Variants in MCPH1 observed in about 807,000 individuals in gnomAD.
The protein encoded by MCPH1 is microcephalin.
In MCPH1, 104 loss-of-function variants were observed where a neutral mutation model predicts 84.5. The observed-to-expected ratio is 1.23, with a 90% CI of 1.05 to 1.45. The LOEUF is 1.45. MCPH1 is among the 40% of genes most tolerant of loss of function. The pLI, the probability that MCPH1 is intolerant of heterozygous loss-of-function variation, is 0.00. For synonymous variants in MCPH1, 514 were observed against 366.8 expected (o/e 1.40, Z -4.58); for missense variants, 1,498 against 1,005.7 (o/e 1.49, Z -6.62).
At chr8:6,590,846 G>A (rs974886660) in intron 12 of MCPH1, among the ~76,000 whole-genome samples, 11 of 152,232 alleles carry the variant, frequency 7.2e-5, no homozygotes, top group Admixed American at 2.6e-4. Context: ...CTTCAGACTC[G>A]GGCCTTTGGA....
At chr8:6,424,193 A>G (rs960348850) in intron 3 of MCPH1, among the ~76,000 whole-genome samples, 15 of 152,220 alleles carry the variant, frequency 9.9e-5, no homozygotes, top group Non-Finnish European at 2.2e-4. Flanking sequence ...AGAAATTTTT[A>G]CCTTGAAGAA....
intron 12 of MCPH1, among the ~76,000 whole-genome samples, chr8:6,583,511 T>C (rs990432151): frequency 3.2e-4 from 48 of 152,266 alleles, no homozygotes; most frequent in African/African-American, 1.2e-3. Flanking sequence ...TGTGTGTGCA[T>C]AGGACATCAA....
At chr8:6,606,840 T>C (rs978290843) in intron 12 of MCPH1, among the ~76,000 whole-genome samples, 1 of 152,128 alleles carries the variant, frequency 6.6e-6, no homozygotes, top group African/African-American at 2.4e-5. Flanking sequence ...GAGCTGATGG[T>C]TTCATAAGGG....
chr8:6,602,108 T>C (rs73511022), intron 12 of MCPH1, among the ~76,000 whole-genome samples: 5,606 of 152,180 alleles, frequency 0.037, 356 homozygotes, highest in African/African-American at 0.13. Context: ...TGGAATCGGA[T>C]TGGAAGGCAG....
intron 13 of MCPH1, among the ~76,000 whole-genome samples, chr8:6,623,773 T>G (rs1004169563): frequency 6.8e-5 from 10 of 147,586 alleles, no homozygotes; most frequent in African/African-American, 2.2e-4. Context: ...CTTTTCTAAA[T>G]GCCAAGAATA....
At chr8:6,548,305 G>A (rs570961430) in intron 12 of MCPH1, among the ~76,000 whole-genome samples, 5 of 152,190 alleles carry the variant, frequency 3.3e-5, no homozygotes, top group Non-Finnish European at 2.9e-5. Flanking sequence ...GACTCTACTC[G>A]TGCGTCACTT....
chr8:6,489,308 G>C (rs1349326149), intron 11 of MCPH1, among the ~76,000 whole-genome samples: 1 of 152,076 alleles, frequency 6.6e-6, no homozygotes. Flanking sequence ...GCAGAAGTCA[G>C]GGGGAAGGGG....
chr8:6,520,225 T>A (rs1280844783), intron 12 of MCPH1, among the ~76,000 whole-genome samples: 1 of 152,226 alleles, frequency 6.6e-6, no homozygotes, highest in South Asian at 2.1e-4. Context: ...TTAAAATACT[T>A]CAAATAATCC....
chr8:6,598,432 A>G (rs997700354), intron 12 of MCPH1, among the ~76,000 whole-genome samples: 1 of 151,946 alleles, frequency 6.6e-6, no homozygotes, highest in Non-Finnish European at 1.5e-5. Flanking sequence ...AGCCTCAGAC[A>G]TGAGGGGAGA....
intron 12 of MCPH1, among the ~76,000 whole-genome samples, chr8:6,566,210 C>G (rs1366483477): frequency 6.6e-6 from 1 of 152,184 alleles, no homozygotes; most frequent in African/African-American, 2.4e-5. Context: ...GTTTAAAAAC[C>G]ATTCTTAGCT....
At chr8:6,532,855 T>G (rs1224720264) in intron 12 of MCPH1, among the ~76,000 whole-genome samples, 2 of 152,206 alleles carry the variant, frequency 1.3e-5, no homozygotes, top group Non-Finnish European at 2.9e-5. Context: ...CAGCTGCAAC[T>G]CTGACCATGC....
intron 13 of MCPH1, chr8:6,642,570 A>T: frequency 3.4e-6 from 1 of 291,390 alleles, no homozygotes; most frequent in South Asian, 3.8e-5. Flanking sequence ...ACCTCTCACC[A>T]CTGGTGTCAT....
At chr8:6,584,220 T>A (rs1827800183) in intron 12 of MCPH1, among the ~76,000 whole-genome samples, 1 of 152,170 alleles carries the variant, frequency 6.6e-6, no homozygotes, top group East Asian at 1.9e-4. Flanking sequence ...CACTACAGAT[T>A]TAGCAGCTCA....
intron 12 of MCPH1, among the ~76,000 whole-genome samples, chr8:6,565,662 C>T (rs148676480): frequency 2.5e-4 from 38 of 152,248 alleles, no homozygotes; most frequent in African/African-American, 8.9e-4. Context: ...TTTTGTCTAC[C>T]AGCCTTGTGT....
At chr8:6,491,510 A>G (rs1245188514) in intron 11 of MCPH1, among the ~76,000 whole-genome samples, 1 of 150,350 alleles carries the variant, frequency 6.7e-6, no homozygotes, top group South Asian at 2.1e-4. Flanking sequence ...GTTCTAGGGT[A>G]CATGTGCACA....
chr8:6,455,146 T>G lies in MCPH1; in HGVS notation c.1829T>G (p.Val610Gly), dbSNP rs773045213. ...ENLPGGYSGS[V>G]KNRPTRHDVL... ...TTTTAATCCCCTTGGGTTTTAGGTG[T>G]TAAAAATAGACCAACAAGGCATGAT... is the stretch of plus-strand genomic sequence containing the variant. Residue 610 changes from valine to glycine, a missense_variant, in exon 9 of 14, where the codon GTT becomes GGT. Physicochemically the swap from Val to Gly is moderately radical, Grantham distance 109 (BLOSUM62 -3). Coordinates refer to ENST00000344683, the MANE Select transcript of MCPH1 (RefSeq NM_024596.5). The G allele has an allele frequency of 3.1e-6, 5 of 1,613,498 alleles. No homozygotes were observed. Among genetic ancestry groups the G allele is most frequent in the Non-Finnish European group, 4.2e-6 (5 of 1,179,564 alleles).
At chr8:6,521,098 G>A in intron 12 of MCPH1, 1 of 1,114,184 alleles carries the variant, frequency 9.0e-7, no homozygotes, top group Non-Finnish European at 1.3e-6. Context: ...TTTTCTGAAA[G>A]GTGAGAATTT....
chr8:6,514,554 A>G, intron 12 of MCPH1: 1 of 845,908 alleles, frequency 1.2e-6, no homozygotes, highest in Non-Finnish European at 1.9e-6. Context: ...CTGAAGCACC[A>G]ATTTTAAAAA....
intron 12 of MCPH1, among the ~76,000 whole-genome samples, chr8:6,620,683 C>T (rs940762701): frequency 6.6e-6 from 1 of 152,194 alleles, no homozygotes; most frequent in African/African-American, 2.4e-5. Context: ...CATAGCATCT[C>T]GCAGGGTGTG....
Sources: gnomAD v4.1 joint callset for allele counts (sites outside exome capture counted in the v4.1 genomes callset) on GRCh38, gnomAD v4.1.1 for gene constraint, MANE v1.5 for transcripts, NCBI Gene and HGNC (gene_info 2026-07-23, HGNC 2026-07-21) for gene names.